RBFOX1: variants seen among roughly 807,000 people sequenced by gnomAD.
RBFOX1 encodes RNA binding fox-1 homolog 1.
Under a neutral mutation model 57.7 loss-of-function variants are expected in RBFOX1, and 8 were observed. The observed-to-expected ratio is 0.14, with a 90% CI of 0.08 to 0.25. The LOEUF is 0.25. Ranked by LOEUF, RBFOX1 falls within the 10% of genes least tolerant of loss-of-function variation. The probability of loss-of-function intolerance (pLI) is 1.00; values close to 1 mark genes in which losing one functional copy is unlikely to be tolerated. For synonymous variants in RBFOX1, 326 were observed against 222.4 expected, an observed-to-expected ratio of 1.47 and a Z score of -4.15; for missense variants, 611 against 548.5, an observed-to-expected ratio of 1.11 and a Z score of -1.14.
chr16:7,016,804 C>T (rs1055952592), intron 3 of RBFOX1, among the ~76,000 whole-genome samples: 2 of 152,092 alleles, frequency 1.3e-5, no homozygotes, highest in Non-Finnish European at 2.9e-5. Context: ...GACGTGGTTA[C>T]CCGCCAGGTG....
chr16:7,305,944 A>G (rs777233674), intron 4 of RBFOX1, among the ~76,000 whole-genome samples: 1 of 152,226 alleles, frequency 6.6e-6, no homozygotes, highest in East Asian at 1.9e-4. Flanking sequence ...GTGTATGTGC[A>G]TGTGCGTTTT....
At chr16:7,075,227 C>G (rs1183016245) in intron 4 of RBFOX1, among the ~76,000 whole-genome samples, 1 of 152,112 alleles carries the variant, frequency 6.6e-6, no homozygotes, top group Non-Finnish European at 1.5e-5. Context: ...CTTCTGGGTA[C>G]CAACAGTAAA....
At chr16:6,478,448 G>GTTTTT (rs2095319255) in intron 2 of RBFOX1, among the ~76,000 whole-genome samples, 1 of 42,510 alleles carries the variant, frequency 2.4e-5, no homozygotes, top group African/African-American at 9.1e-5. Context: ...TTTTTTTTTT[G>GTTTTT]TATTTTTAGT....
intron 2 of RBFOX1, among the ~76,000 whole-genome samples, chr16:6,450,787 ATACATATATATATG>A (rs61619780): frequency 0.046 from 2,549 of 55,548 alleles, 304 homozygotes; most frequent in East Asian, 0.1. Context: ...ATATATATAT[ATACATATATATATG>A]TATATATATA....
intron 3 of RBFOX1, among the ~76,000 whole-genome samples, chr16:6,656,693 A>T (rs2098655604): frequency 6.6e-6 from 1 of 151,778 alleles, no homozygotes; most frequent in Non-Finnish European, 1.5e-5. Flanking sequence ...CTTGTTTCTG[A>T]TGAGTTTTCC....
chr16:5,477,287 C>T lies in RBFOX1; in HGVS notation c.258+10033C>T, dbSNP rs114468238. Among the ~76,000 whole-genome samples the T allele has an allele frequency of 8.7e-3, 1,318 of 152,230 alleles. 13 individuals carry two copies. Among genetic ancestry groups the T allele is most frequent in the African/African-American group, 0.027 (1,135 of 41,550 alleles). The stretch of plus-strand genomic sequence containing the variant: ...TAGCCACAGGCCTTAGAGCTGGTTT[C>T]AGGGGAACTGAAAAGTTGCACTCAA... On this transcript the variant is annotated intron_variant, in intron 2 of 2. Coordinates refer to the RBFOX1 transcript ENST00000585867.
At chr16:6,238,160 G>C (rs1022742405) in intron 1 of RBFOX1, among the ~76,000 whole-genome samples, 1 of 151,412 alleles carries the variant, frequency 6.6e-6, no homozygotes, top group Non-Finnish European at 1.5e-5. Flanking sequence ...AAATGTCTGT[G>C]AAGTATCTGC....
In RBFOX1 at chr16:6,222,818, G is replaced by A. The variant is rs552787017; in HGVS notation, c.-126-94177G>A. Among the ~76,000 whole-genome samples, 428 of 151,608 alleles carry A rather than the reference G, an allele frequency of 2.8e-3. 4 individuals carry two copies. Among genetic ancestry groups the A allele is most frequent in the South Asian group, 0.025 (119 of 4,774 alleles). ...TGCACCCATTAACTCGTCATTTAGC[G>A]TTAGGTATATCTCCTAATGCTATCC... On this transcript the variant is annotated intron_variant, in intron 1 of 15. Coordinates refer to ENST00000550418, the MANE Select transcript of RBFOX1 (RefSeq NM_018723.4).
At chr16:5,854,021 A>G (rs529265736) in intron 3 of RBFOX1, among the ~76,000 whole-genome samples, 35 of 152,290 alleles carry the variant, frequency 2.3e-4, no homozygotes, top group African/African-American at 6.3e-4. Context: ...CTAAGTTTCT[A>G]TTTTTAATTT....
intron 3 of RBFOX1, among the ~76,000 whole-genome samples, chr16:5,815,584 A>C (rs985813819): frequency 4.6e-5 from 7 of 152,206 alleles, no homozygotes; most frequent in Admixed American, 3.3e-4. Context: ...TGAAGAGAAC[A>C]AAGTGGACCC....
At chr16:7,050,425 C>T (rs991464096) in intron 3 of RBFOX1, among the ~76,000 whole-genome samples, 1 of 151,990 alleles carries the variant, frequency 6.6e-6, no homozygotes, top group South Asian at 2.1e-4. Context: ...ACCACCATGC[C>T]CAGCTAATTT....
intron 13 of RBFOX1, among the ~76,000 whole-genome samples, chr16:7,666,586 T>C (rs1361960027): frequency 6.6e-6 from 1 of 152,170 alleles, no homozygotes; most frequent in African/African-American, 2.4e-5. Flanking sequence ...AGAGGCTGCC[T>C]GAAGGCAGGG....
At chr16:7,263,121 G>T (rs1382501619) in intron 4 of RBFOX1, among the ~76,000 whole-genome samples, 2 of 152,282 alleles carry the variant, frequency 1.3e-5, no homozygotes, top group East Asian at 1.9e-4. Context: ...CTCAGCAAAT[G>T]AGAAATTAAA....
At chr16:7,221,618 T>A (rs1179555972) in intron 4 of RBFOX1, among the ~76,000 whole-genome samples, 1 of 152,128 alleles carries the variant, frequency 6.6e-6, no homozygotes, top group Non-Finnish European at 1.5e-5. Context: ...CCACCAACCT[T>A]GGCCTCCCAA....
At chr16:7,128,597 G>T (rs541004516) in intron 4 of RBFOX1, among the ~76,000 whole-genome samples, 11 of 152,256 alleles carry the variant, frequency 7.2e-5, no homozygotes, top group Non-Finnish European at 1.3e-4. Flanking sequence ...GGTACTCAAA[G>T]CCTGGAGAGG....
chr16:5,653,839 G>C (rs2049332390), intron 3 of RBFOX1, among the ~76,000 whole-genome samples: 2 of 152,178 alleles, frequency 1.3e-5, no homozygotes, highest in African/African-American at 4.8e-5. Context: ...GCTGGGTCAG[G>C]GGTCCGTGGC....
intron 1 of RBFOX1, among the ~76,000 whole-genome samples, chr16:5,454,853 CTTTT>C (rs1567534734): frequency 4.6e-5 from 3 of 64,960 alleles, no homozygotes; most frequent in African/African-American, 2.1e-4. Flanking sequence ...TTCTTTCTTT[CTTTT>C]CTTTCTTTCT....
chr16:7,147,458 C>G, intron 4 of RBFOX1, among the ~76,000 whole-genome samples: 1 of 151,964 alleles, frequency 6.6e-6, no homozygotes, highest in East Asian at 1.9e-4. Context: ...GTTTTTCAAC[C>G]CCGGCCTTCC....
intron 1 of RBFOX1, among the ~76,000 whole-genome samples, chr16:6,307,719 C>A (rs938507079): frequency 6.9e-6 from 1 of 144,790 alleles, no homozygotes; most frequent in Non-Finnish European, 1.5e-5. Context: ...TTATATATTT[C>A]TCTATTTTGA....
Sources: gnomAD v4.1 joint callset for allele counts (sites outside exome capture counted in the v4.1 genomes callset) on GRCh38, gnomAD v4.1.1 for gene constraint, MANE v1.5 for transcripts, NCBI Gene and HGNC (gene_info 2026-07-23, HGNC 2026-07-21) for gene names.